The following LRBA variants were observed in gnomAD, a reference collection of about 807,000 sequenced individuals.
LRBA encodes LPS responsive beige-like anchor protein, also known as lipopolysaccharide-responsive and beige-like anchor protein.
LRBA carries 176 observed loss-of-function variants against 330.0 expected under a neutral mutation model. The ratio of observed to expected loss-of-function variants is 0.53; its 90% CI spans 0.47 to 0.60. The LOEUF (loss-of-function observed/expected upper bound fraction) is 0.60. Ranked by LOEUF, LRBA falls within the 20% of genes least tolerant of loss-of-function variation. The probability of loss-of-function intolerance (pLI) is 0.00; values close to 1 mark genes in which losing one functional copy is unlikely to be tolerated. For synonymous variants in LRBA, 1,230 were observed against 1,193.0 expected, an observed-to-expected ratio of 1.03 and a Z score of -0.64; for missense variants, 3,259 against 3,444.8, an observed-to-expected ratio of 0.95 and a Z score of 1.35.
At chr4:150,959,413 C>G (rs925756297) in intron 2 of LRBA, among the ~76,000 whole-genome samples, 1 of 149,130 alleles carries the variant, frequency 6.7e-6, no homozygotes, top group Non-Finnish European at 1.5e-5. Flanking sequence ...GGTTCAAGGT[C>G]TGGAACTAGA....
At chr4:150,870,923 A>G (rs1753355236) in intron 19 of LRBA, among the ~76,000 whole-genome samples, 2 of 152,192 alleles carry the variant, frequency 1.3e-5, no homozygotes, top group South Asian at 2.1e-4. Context: ...ACATCTCCTT[A>G]TATCATTTCA....
chr4:150,710,956 G>A (rs10857249), intron 36 of LRBA, among the ~76,000 whole-genome samples: 132,504 of 151,656 alleles, frequency 0.87, 58,431 homozygotes, highest in Non-Finnish European at 0.95. Flanking sequence ...AGAGCTAAAT[G>A]TCCCCCAAAA....
chr4:150,981,880 G>A (rs1197776864), intron 2 of LRBA, among the ~76,000 whole-genome samples: 4 of 150,872 alleles, frequency 2.7e-5, no homozygotes, highest in Admixed American at 2.6e-4. Flanking sequence ...GGAGAACGGT[G>A]TGAACCCGGG....
At chr4:150,518,534 G>C (rs1301266113) in intron 40 of LRBA, among the ~76,000 whole-genome samples, 1 of 152,018 alleles carries the variant, frequency 6.6e-6, no homozygotes, top group East Asian at 1.9e-4. Context: ...AGCTCAACCT[G>C]CTTACCTTTT....
chr4:150,267,877 C>T (rs1176913751), intron 56 of LRBA, among the ~76,000 whole-genome samples: 6 of 151,694 alleles, frequency 4.0e-5, no homozygotes, highest in East Asian at 1.9e-4. Flanking sequence ...CTGGCCAACC[C>T]GGGGAAACCT....
intron 36 of LRBA, among the ~76,000 whole-genome samples, chr4:150,685,681 T>C (rs1281886604): frequency 1.6e-4 from 24 of 151,390 alleles, no homozygotes; most frequent in Admixed American, 1.6e-3. Flanking sequence ...GCAATCCACC[T>C]GCCTCGGCCT....
chr4:151,008,969 CA>C (rs1216990774), intron 2 of LRBA, among the ~76,000 whole-genome samples: 18 of 1,888 alleles, frequency 9.5e-3, no homozygotes, highest in Non-Finnish European at 0.012. Context: ...GACTCCATCT[CA>C]AAAAAAAAAA....
chr4:150,279,210 G>C (rs12331959), intron 55 of LRBA, among the ~76,000 whole-genome samples: 13,002 of 152,198 alleles, frequency 0.085, 884 homozygotes, highest in South Asian at 0.23. Flanking sequence ...AGAGAATGCA[G>C]AACCCTCAAA....
At position 150,310,394 on chromosome 4, in the gene LRBA, T is replaced by C. The variant is rs774724531; in HGVS notation, c.7694-10A>G. 5 of 1,608,342 alleles carry C rather than the reference T, an allele frequency of 3.1e-6. No homozygotes were observed. Among genetic ancestry groups the C allele is most frequent in the South Asian group, 1.1e-5 (1 of 90,292 alleles). On this transcript the variant is annotated splice_polypyrimidine_tract_variant and intron_variant, in intron 51 of 56. Coordinates refer to ENST00000651943, the MANE Select transcript of LRBA (RefSeq NM_001364905.1). ...ATTCCTGTATTGCTGGCTGTAAGAA[T>C]AGGGAGGAAAAACAACTATTAAATC... is the stretch of plus-strand genomic sequence containing the variant.
At chr4:150,623,714 C>T (rs1776542412) in intron 37 of LRBA, among the ~76,000 whole-genome samples, 1 of 151,696 alleles carries the variant, frequency 6.6e-6, no homozygotes, top group Admixed American at 6.6e-5. Context: ...TCTATATACC[C>T]CTTATACTTG....
intron 42 of LRBA, among the ~76,000 whole-genome samples, chr4:150,476,021 G>C (rs1009163831): frequency 6.6e-6 from 1 of 152,080 alleles, no homozygotes; most frequent in African/African-American, 2.4e-5. Context: ...TTAGGTTAAA[G>C]TCTGTCAATT....
In LRBA at chr4:150,360,691, C is replaced by A. The variant is rs530346332; in HGVS notation, c.7195-10532G>T. ...TACAAAGTACGAAGTAACTGCCAGA[C>A]TAAAATGACCTTCAATGCAGTTTTG... is the stretch of plus-strand genomic sequence containing the variant. On this transcript the variant is annotated intron_variant, in intron 47 of 56. Coordinates refer to ENST00000651943, the MANE Select transcript of LRBA (RefSeq NM_001364905.1). Among the ~76,000 whole-genome samples, 4 of 152,302 alleles carry A rather than the reference C, an allele frequency of 2.6e-5. No homozygotes were observed. In the South Asian group the frequency reaches 6.2e-4, roughly 24 times the overall value.
In LRBA at chr4:150,315,407, T is replaced by C. The variant is rs577514824; in HGVS notation, c.7693+154A>G. Reference sequence around the variant, plus strand: ...AGGGGGAGTTGATGAAATACCAGCATAGCCACAGCTCATTGCATTCCAATT... The same window carrying C: ...AGGGGGAGTTGATGAAATACCAGCACAGCCACAGCTCATTGCATTCCAATT... On this transcript the variant is annotated intron_variant, in intron 51 of 56. Coordinates refer to ENST00000651943, the MANE Select transcript of LRBA (RefSeq NM_001364905.1). 6.3e-5 allele frequency: 44 copies of C among 702,802 alleles called. No individual in the cohort carries two copies. The East Asian group carries it at 1.2e-3, about 18-fold the overall frequency. The allele number at this position is 702,802 out of a possible 1,614,324, so 43.5% of individuals were successfully genotyped here. A position where few individuals can be genotyped will look rare whatever the true frequency, so the allele number is the denominator to read the frequency against.
intron 37 of LRBA, among the ~76,000 whole-genome samples, chr4:150,606,573 G>A (rs1199502137): frequency 6.6e-6 from 1 of 152,088 alleles, no homozygotes; most frequent in Non-Finnish European, 1.5e-5. Context: ...AGGCTACTCT[G>A]TGCTACACAC....
At chr4:150,503,544 G>A (rs1436955208) in intron 40 of LRBA, among the ~76,000 whole-genome samples, 2 of 151,984 alleles carry the variant, frequency 1.3e-5, no homozygotes, top group East Asian at 3.9e-4. Flanking sequence ...TCTGTTAGAA[G>A]GAAAACTAAC....
At chr4:150,955,564 G>A (rs961819163) in intron 2 of LRBA, among the ~76,000 whole-genome samples, 2 of 148,432 alleles carry the variant, frequency 1.3e-5, no homozygotes, top group Non-Finnish European at 2.9e-5. Context: ...GTCAGCCTGG[G>A]CAACACAAGG....
intron 41 of LRBA, among the ~76,000 whole-genome samples, chr4:150,488,684 A>G (rs1311774890): frequency 6.6e-6 from 1 of 151,020 alleles, no homozygotes; most frequent in Non-Finnish European, 1.5e-5. Context: ...TGTCAGAATC[A>G]TATGTAAGCT....
chr4:150,808,990 G>A (rs1412257740), intron 31 of LRBA, among the ~76,000 whole-genome samples: 1 of 152,116 alleles, frequency 6.6e-6, no homozygotes, highest in Non-Finnish European at 1.5e-5. Flanking sequence ...CCCAAAGATT[G>A]TTGAATCTTT....
At chr4:150,837,401 A>C (rs1008554892) in intron 28 of LRBA, among the ~76,000 whole-genome samples, 5 of 152,046 alleles carry the variant, frequency 3.3e-5, no homozygotes, top group Non-Finnish European at 7.4e-5. Flanking sequence ...GGGGTGTGAA[A>C]GTCTCCCATT....
Sources: gnomAD v4.1 joint callset for allele counts (sites outside exome capture counted in the v4.1 genomes callset) on GRCh38, gnomAD v4.1.1 for gene constraint, MANE v1.5 for transcripts, NCBI Gene and HGNC (gene_info 2026-07-23, HGNC 2026-07-21) for gene names.